The following GALNT13 variants were observed in gnomAD, a reference collection of about 807,000 sequenced individuals.
GALNT13 encodes the protein UDP-GalNAc:polypeptide N-acetylgalactosaminyltransferase 13.
GALNT13 carries 28 observed loss-of-function variants against 64.2 expected under a neutral mutation model. The ratio of observed to expected loss-of-function variants is 0.44; its 90% CI spans 0.32 to 0.60. The LOEUF is 0.60. Ranked by LOEUF, GALNT13 falls within the 20% of genes least tolerant of loss-of-function variation. The pLI, the probability that GALNT13 is intolerant of heterozygous loss-of-function variation, is 0.05. For synonymous variants in GALNT13, 214 were observed against 224.6 expected (o/e 0.95, Z 0.42); for missense variants, 577 against 669.8 (o/e 0.86, Z 1.53).
intron 3 of GALNT13, among the ~76,000 whole-genome samples, chr2:154,063,650 C>G (rs1176580387): frequency 1.3e-5 from 2 of 152,122 alleles, no homozygotes; most frequent in African/African-American, 2.4e-5. Flanking sequence ...TGCCACTTAT[C>G]TGTATTTTGA....
At chr2:154,357,001 T>A (rs34465720) in intron 9 of GALNT13, among the ~76,000 whole-genome samples, 16,393 of 151,938 alleles carry the variant, frequency 0.11, 989 homozygotes, top group Non-Finnish European at 0.14. Flanking sequence ...ACCTGAAGAT[T>A]GATTGAAATG....
chr2:153,294,487 T>C, the GALNT13 span, among the ~76,000 whole-genome samples: 1 of 152,254 alleles, frequency 6.6e-6, no homozygotes, highest in South Asian at 2.1e-4. Context: ...TTTTTATATT[T>C]AAAATTGATA....
At chr2:154,414,697 C>T (rs1236460417) in intron 11 of GALNT13, among the ~76,000 whole-genome samples, 2 of 151,716 alleles carry the variant, frequency 1.3e-5, no homozygotes, top group Non-Finnish European at 2.9e-5. Context: ...TGAAAGGGGT[C>T]TTTTTTCTCT....
At chr2:153,643,305 G>A in the GALNT13 span, among the ~76,000 whole-genome samples, 6 of 151,364 alleles carry the variant, frequency 4.0e-5, no homozygotes, top group Admixed American at 1.3e-4. Flanking sequence ...ATACTTTAGG[G>A]TTTTAAACAT....
intron 9 of GALNT13, among the ~76,000 whole-genome samples, chr2:154,335,281 A>G (rs1395104866): frequency 6.6e-6 from 1 of 152,012 alleles, no homozygotes; most frequent in African/African-American, 2.4e-5. Context: ...ATTAATATAC[A>G]TTTCATCATA....
chr2:153,842,626 AACC>A, the GALNT13 span, among the ~76,000 whole-genome samples: 2 of 152,096 alleles, frequency 1.3e-5, no homozygotes, highest in Non-Finnish European at 2.9e-5. Context: ...AACTATCCAG[AACC>A]TCAGTTTATC....
At chr2:153,208,060 T>C in the GALNT13 span, 1 of 40,408 alleles carries the variant, frequency 2.5e-5, no homozygotes, top group East Asian at 2.5e-4. Context: ...GCAATACAAA[T>C]ATTTTTTTTT....
the GALNT13 span, among the ~76,000 whole-genome samples, chr2:153,486,110 G>A: frequency 2.6e-5 from 4 of 151,934 alleles, no homozygotes; most frequent in Admixed American, 2.6e-4. Flanking sequence ...GCTAATTTTT[G>A]TATTTTTGGT....
At chr2:154,158,585 G>T (rs1031447726) in intron 4 of GALNT13, among the ~76,000 whole-genome samples, 1 of 152,114 alleles carries the variant, frequency 6.6e-6, no homozygotes, top group Non-Finnish European at 1.5e-5. Context: ...ATAAAGTCCT[G>T]TTAAATTGTA....
At chr2:153,369,439 C>T in the GALNT13 span, among the ~76,000 whole-genome samples, 1 of 151,990 alleles carries the variant, frequency 6.6e-6, no homozygotes, top group South Asian at 2.1e-4. Flanking sequence ...TAAGAGAGAA[C>T]ACATGAATTA....
chr2:154,397,770 A>G (rs773199640), intron 10 of GALNT13, among the ~76,000 whole-genome samples: 4 of 152,128 alleles, frequency 2.6e-5, no homozygotes, highest in Admixed American at 1.3e-4. Context: ...ATATCTCTCT[A>G]TAGAGCTTGA....
the GALNT13 span, among the ~76,000 whole-genome samples, chr2:153,207,549 A>G: frequency 6.6e-6 from 1 of 152,160 alleles, no homozygotes; most frequent in African/African-American, 2.4e-5. Context: ...CAATATTTCT[A>G]TTAAGATAAA....
intron 7 of GALNT13, among the ~76,000 whole-genome samples, chr2:154,258,518 G>T (rs1031343071): frequency 1.3e-5 from 2 of 151,866 alleles, no homozygotes; most frequent in African/African-American, 2.4e-5. Context: ...TGTAACTATC[G>T]CTAGATACTT....
chr2:153,282,542 C>G, the GALNT13 span, among the ~76,000 whole-genome samples: 1 of 152,126 alleles, frequency 6.6e-6, no homozygotes, highest in Non-Finnish European at 1.5e-5. Context: ...AGCCTCCCAA[C>G]TACCTGGGAC....
At chr2:153,598,145 G>A in the GALNT13 span, among the ~76,000 whole-genome samples, 2 of 152,070 alleles carry the variant, frequency 1.3e-5, no homozygotes, top group Non-Finnish European at 2.9e-5. Flanking sequence ...TGTGCTCAAA[G>A]CCCTCTAATG....
chr2:153,717,095 T>C, the GALNT13 span, among the ~76,000 whole-genome samples: 1 of 152,130 alleles, frequency 6.6e-6, no homozygotes, highest in African/African-American at 2.4e-5. Context: ...CTGGGGCCCT[T>C]TGGAAGCACT....
At chr2:153,225,685 AAAC>A in the GALNT13 span, among the ~76,000 whole-genome samples, 10 of 152,328 alleles carry the variant, frequency 6.6e-5, no homozygotes, top group South Asian at 2.1e-3. Context: ...TGTCAGCAAT[AAAC>A]AATTATAATT....
At chr2:153,797,182 G>A in the GALNT13 span, among the ~76,000 whole-genome samples, 2 of 152,212 alleles carry the variant, frequency 1.3e-5, no homozygotes. Context: ...CTAATGGCAA[G>A]TCTGTTAGAT....
chr2:153,737,655 T>A, the GALNT13 span, among the ~76,000 whole-genome samples: 3 of 152,132 alleles, frequency 2.0e-5, no homozygotes, highest in Admixed American at 6.6e-5. Context: ...TCTCGTAGTT[T>A]TGTTTCATAT....
Sources: allele counts gnomAD v4.1 joint callset (sites outside exome capture counted in the v4.1 genomes callset), GRCh38; gene constraint gnomAD v4.1.1; transcripts MANE v1.5; gene names NCBI Gene and HGNC (gene_info 2026-07-23, HGNC 2026-07-21).